The following KLC1 variants were observed in gnomAD, a reference collection of about 807,000 sequenced individuals.
The protein encoded by KLC1 is kinesin 2 60/70kDa.
KLC1 carries 30 observed loss-of-function variants against 84.2 expected under a neutral mutation model. That is an observed-to-expected ratio of 0.36 (90% CI 0.27 to 0.48). The LOEUF (loss-of-function observed/expected upper bound fraction) is 0.48, where lower values mean the gene tolerates loss of function less well. Among genes scored for constraint, KLC1 ranks in the 20% least tolerant of loss-of-function variants. KLC1 has a pLI of 0.99. For synonymous variants in KLC1, 289 were observed against 293.3 expected (o/e 0.99, Z 0.15); for missense variants, 499 against 805.4 (o/e 0.62, Z 4.60).
intron 11 of KLC1, 23 bp downstream of exon 11, chr14:103,675,779 C>T (rs1194067961): frequency 1.2e-6 from 2 of 1,604,218 alleles, no homozygotes; most frequent in Non-Finnish European, 1.7e-6. Flanking sequence ...TTGCGTTTGG[C>T]TGGAAAAACC....
At chr14:103,681,064 C>G (rs557146444) in intron 13 of KLC1, among the ~76,000 whole-genome samples, 3 of 152,190 alleles carry the variant, frequency 2.0e-5, no homozygotes, top group Non-Finnish European at 4.4e-5. Flanking sequence ...AAAGCAGCTG[C>G]TCCTCTGCAC....
intron 7 of KLC1, among the ~76,000 whole-genome samples, chr14:103,670,542 G>A (rs1207896146): frequency 6.6e-6 from 1 of 151,806 alleles, no homozygotes; most frequent in African/African-American, 2.4e-5. Flanking sequence ...TCACCATGTT[G>A]GCCAGGATGT....
chr14:103,645,065 C>T (rs1232844584), intron 1 of KLC1, among the ~76,000 whole-genome samples: 1 of 152,090 alleles, frequency 6.6e-6, no homozygotes, highest in African/African-American at 2.4e-5. Context: ...CCTCCGCCTC[C>T]TGGGTTCAAG....
chr14:103,651,677 C>G (rs969743649), intron 1 of KLC1, among the ~76,000 whole-genome samples: 8 of 152,212 alleles, frequency 5.3e-5, no homozygotes, highest in Non-Finnish European at 1.2e-4. Flanking sequence ...TGCTGCTCCT[C>G]TAGCCTTGGT....
chr14:103,695,776 T>A (rs2082419998), intron 15 of KLC1: 1 of 985,312 alleles, frequency 1.0e-6, no homozygotes, highest in African/African-American at 1.7e-5. Flanking sequence ...GCACTGTGGC[T>A]GTGGGAGCAC....
intron 13 of KLC1, 69 bp from the exon 14 acceptor site, chr14:103,687,011 AC>A: frequency 7.4e-7 from 1 of 1,349,426 alleles, no homozygotes; most frequent in Non-Finnish European, 1.0e-6. Context: ...TCTTATTTGC[AC>A]CCGGTGTGGC....
intron 13 of KLC1, among the ~76,000 whole-genome samples, chr14:103,684,366 GAGGT>G (rs1287799854): frequency 6.6e-6 from 1 of 152,228 alleles, no homozygotes; most frequent in Non-Finnish European, 1.5e-5. Context: ...GTAATATAAA[GAGGT>G]AGACAGTTTC....
intron 2 of KLC1, among the ~76,000 whole-genome samples, chr14:103,655,322 G>A (rs2078750735): frequency 6.6e-6 from 1 of 152,162 alleles, no homozygotes; most frequent in South Asian, 2.1e-4. Context: ...GATTGATTGA[G>A]ATGGAGTTTT....
Position 103,653,547 on chromosome 14 carries a change from C to T in KLC1, c.-1-1017C>T, listed in dbSNP as rs577588216. On this transcript the variant is annotated intron_variant, in intron 1 of 16. Transcript: ENST00000334553. ...GTGTTGGCCGGCTGGTTTTGAACTC[C>T]TGCCATCAAGTGATCCGCCTGCCTT... is the stretch of plus-strand genomic sequence containing the variant. 5.3e-5 allele frequency among the ~76,000 whole-genome samples: 8 copies of T among 152,288 alleles called. No individual in the cohort carries two copies. The South Asian group carries it at 1.0e-3, about 20-fold the overall frequency.
chr14:103,631,197 CA>C (rs1327080013), intron 1 of KLC1, among the ~76,000 whole-genome samples: 3 of 151,968 alleles, frequency 2.0e-5, no homozygotes, highest in Non-Finnish European at 4.4e-5. Context: ...TCTCCTGCCT[CA>C]ACCTACTGAG....
At chr14:103,699,206 G>A in intron 15 of KLC1, 1 of 1,551,238 alleles carries the variant, frequency 6.4e-7, no homozygotes, top group Non-Finnish European at 8.7e-7. Context: ...CAGGTCAGCT[G>A]CAACGGCTGA....
intron 1 of KLC1, among the ~76,000 whole-genome samples, chr14:103,651,772 G>T (rs540727832): frequency 1.1e-3 from 169 of 152,296 alleles, no homozygotes; most frequent in South Asian, 2.7e-3. Context: ...CTTTGCTGCC[G>T]GGCTGGCAGT....
chr14:103,679,563 C>G lies in KLC1; in HGVS notation c.1650+18C>G, dbSNP rs370308314. The G allele has an allele frequency of 6.3e-7, 1 of 1,589,288 alleles. No individual in the cohort carries two copies. Among genetic ancestry groups the G allele is most frequent in the Non-Finnish European group, 8.6e-7 (1 of 1,159,544 alleles). ...GGAACGGGGTAAGTACAGTACACAG[C>G]GGGCACGTGCTCCGGGAGGCGCCCC... On this transcript the variant is annotated intron_variant, in intron 13 of 16. Coordinates refer to ENST00000334553, the MANE Select transcript of KLC1 (RefSeq NM_001394837.1).
At chr14:103,696,330 C>G (rs1404542602) in intron 15 of KLC1, 3 of 985,262 alleles carry the variant, frequency 3.0e-6, no homozygotes, top group Non-Finnish European at 3.6e-6. Context: ...GCACGGGGCA[C>G]TCTCATGGGC....
chr14:103,678,577 C>T (rs2081113948), intron 12 of KLC1, among the ~76,000 whole-genome samples: 1 of 151,470 alleles, frequency 6.6e-6, no homozygotes. Flanking sequence ...GTGGTCCCAG[C>T]TATTTGGGAG....
At chr14:103,700,570 A>G in intron 15 of KLC1, 85 bp from the exon 16 acceptor site, 1 of 1,100,940 alleles carries the variant, frequency 9.1e-7, no homozygotes, top group South Asian at 1.3e-5. Flanking sequence ...CTGCAGCCAC[A>G]CGCTGGTGTC....
intron 14 of KLC1, among the ~76,000 whole-genome samples, chr14:103,689,125 A>T (rs2081950047): frequency 6.6e-6 from 1 of 152,136 alleles, no homozygotes; most frequent in African/African-American, 2.4e-5. Context: ...CCCCTCCAGG[A>T]ATTACATGAT....
intron 7 of KLC1, among the ~76,000 whole-genome samples, chr14:103,672,603 G>A (rs1400800020): frequency 6.6e-6 from 1 of 152,138 alleles, no homozygotes; most frequent in East Asian, 1.9e-4. Flanking sequence ...GGAGGGCTAG[G>A]AGAAGAGCAT....
At position 103,662,688 on chromosome 14, in the gene KLC1, C is replaced by T; in HGVS notation, c.572-14C>T. On this transcript the variant is annotated splice_polypyrimidine_tract_variant and intron_variant, in intron 4 of 16. Transcript: ENST00000334553. ...TCTTTAAAAACCCATCTGAAGTGAA[C>T]TTTCTCGGTGCAGTCCAGCAGCAGC... 1 of 1,538,538 alleles carries T rather than the reference C, an allele frequency of 6.5e-7. No individual in the cohort carries two copies. The highest frequency in any genetic ancestry group is 1.8e-4 in the Middle Eastern group (1 of 5,532).
Sources: allele counts gnomAD v4.1 joint callset (sites outside exome capture counted in the v4.1 genomes callset), GRCh38; gene constraint gnomAD v4.1.1; transcripts MANE v1.5; gene names NCBI Gene and HGNC (gene_info 2026-07-23, HGNC 2026-07-21).